KIRREL3: variants seen among roughly 807,000 people sequenced by gnomAD.
KIRREL3 encodes the protein kin of IRRE-like protein 3.
Under a neutral mutation model 89.7 loss-of-function variants are expected in KIRREL3, and 36 were observed. The observed-to-expected ratio is 0.40, with a 90% CI of 0.31 to 0.53. The LOEUF (loss-of-function observed/expected upper bound fraction) is 0.53. Among genes scored for constraint, KIRREL3 ranks in the 20% least tolerant of loss-of-function variants. The pLI is 0.49. For synonymous variants in KIRREL3, 445 were observed against 441.4 expected (o/e 1.01, Z -0.10); for missense variants, 864 against 1,056.6 (o/e 0.82, Z 2.53).
Position 126,441,032 on chromosome 11 carries a change from A to C in KIRREL3, c.1253-483T>G. The C allele has an allele frequency of 5.7e-6, 1 of 176,172 alleles. No homozygotes were observed. Among genetic ancestry groups the C allele is most frequent in the Non-Finnish European group, 1.2e-5 (1 of 81,222 alleles). The allele number at this position is 176,172 out of a possible 1,614,324, so 10.9% of individuals were successfully genotyped here. ...AGTAGAGGGCGCCCTTGCCTAACAA[A>C]TGGGAGCTGCTCGGCCAGACGGGCC... On this transcript the variant is annotated intron_variant, in intron 10 of 16. Transcript: ENST00000525144. The surrounding 1 kb of genome is among the most constrained non-coding windows in gnomAD (Gnocchi z 5.0).
rs1400517641 is a variant in KIRREL3, at chr11:126,473,298, C to T, written c.591+11G>A. 7.0e-7 allele frequency: 1 copy of T among 1,431,460 alleles called. No homozygotes were observed. Among genetic ancestry groups the T allele is most frequent in the African/African-American group, 1.6e-5 (1 of 60,830 alleles). 88.7% of individuals were successfully genotyped at this position (1,431,460 alleles called of 1,614,324 possible). A position where few individuals can be genotyped will look rare whatever the true frequency, so the allele number is the denominator to read the frequency against. On this transcript the variant is annotated intron_variant, in intron 5 of 16. Transcript: ENST00000525144. ...CCCGTCCACACCCACCCCCTCCCCT[C>T]CAGGCCTCACCTTGGAGTAGGTGGC...
chr11:126,484,012 G>A lies in KIRREL3; in HGVS notation c.434-10546C>T, dbSNP rs947359694. 6.6e-5 allele frequency among the ~76,000 whole-genome samples: 10 copies of A among 152,148 alleles called. No individual in the cohort carries two copies. Among genetic ancestry groups the A allele is most frequent in the Admixed American group, 3.3e-4 (5 of 15,262 alleles). The stretch of plus-strand genomic sequence containing the variant: ...TCAGCAGGTACATGTGGTGCCTGGC[G>A]CCATTACCACCTGTTGTTCCCCTGA... On this transcript the variant is annotated intron_variant, in intron 4 of 16. Coordinates refer to ENST00000525144, the MANE Select transcript of KIRREL3 (RefSeq NM_032531.4). This position sits in a 1 kb window ranked among gnomAD's most constrained non-coding sequence, Gnocchi z 5.2.
At chr11:126,453,644 G>A (rs1956252095) in intron 7 of KIRREL3, among the ~76,000 whole-genome samples, 2 of 152,088 alleles carry the variant, frequency 1.3e-5, no homozygotes, top group Admixed American at 1.3e-4. Flanking sequence ...GCGAGTGTGG[G>A]TGGGTGCAGG....
Position 126,740,253 on chromosome 11 carries a change from A to C in KIRREL3, c.56-177341T>G, listed in dbSNP as rs1592055526. ...ATAAAGGCTATAGTGGGGGAGTTCT[A>C]CGGTGATTAATGGAAGAAAATGCAG... is the stretch of plus-strand genomic sequence containing the variant. On this transcript the variant is annotated intron_variant, in intron 1 of 16. Coordinates refer to ENST00000525144, the MANE Select transcript of KIRREL3 (RefSeq NM_032531.4). The surrounding 1 kb of genome is among the most constrained non-coding windows in gnomAD (Gnocchi z 6.0). 6.6e-6 allele frequency among the ~76,000 whole-genome samples: 1 copy of C among 152,168 alleles called. No homozygotes were observed.
At chr11:126,819,877 G>A (rs111329786) in intron 1 of KIRREL3, among the ~76,000 whole-genome samples, 5,135 of 152,274 alleles carry the variant, frequency 0.034, 98 homozygotes, top group African/African-American at 0.052. Flanking sequence ...CTCTCCCGAC[G>A]CACCCCAAAC....
chr11:126,664,631 G>A lies in KIRREL3; in HGVS notation c.56-101719C>T, dbSNP rs920500192. Among the ~76,000 whole-genome samples, 5 of 152,180 alleles carry A rather than the reference G, an allele frequency of 3.3e-5. No individual in the cohort carries two copies. The highest frequency in any genetic ancestry group is 3.9e-4 in the East Asian group (2 of 5,192). Reference sequence around the variant, plus strand: ...GAGGATCACCATTGTTACCAGCTCCGATGTGCCCTTCCTGCATGCCAAAGC... The same window carrying A: ...GAGGATCACCATTGTTACCAGCTCCAATGTGCCCTTCCTGCATGCCAAAGC... On this transcript the variant is annotated intron_variant, in intron 1 of 16. Transcript: ENST00000525144. This position sits in a 1 kb window ranked among gnomAD's most constrained non-coding sequence, Gnocchi z 5.4.
rs777899478 is a variant in KIRREL3 at position 126,424,980 on chromosome 11, T to G, written c.1937A>C (p.His646Pro). 1 of 1,572,200 alleles carries G rather than the reference T, an allele frequency of 6.4e-7. No individual in the cohort carries two copies. ...GYYSVNTFKE[H>P]HSTPTISLSS... ...GAGGGAGATGGTCGGGGTTGAGTGG[T>G]GCTCTTTGAAGGTGTTGACGCTGTA... Residue 646 changes from histidine (H) to proline (P), a missense_variant, in exon 17 of 17, where the codon CAC becomes CCC. His to Pro is a moderately conservative substitution (Grantham distance 77). Transcript: ENST00000525144.
At position 126,682,829 on chromosome 11, in the gene KIRREL3, G is replaced by T. The variant is rs1002244668; in HGVS notation, c.56-119917C>A. On this transcript the variant is annotated intron_variant, in intron 1 of 16. Coordinates refer to ENST00000525144, the MANE Select transcript of KIRREL3 (RefSeq NM_032531.4). This position sits in a 1 kb window ranked among gnomAD's most constrained non-coding sequence, Gnocchi z 4.8. ...CCTGCCGCTCACCTCCTGCTGTGTA[G>T]TCTGGTTCCTAACAGGCTGAGGACC... Among the ~76,000 whole-genome samples, 1 of 152,176 alleles carries T rather than the reference G, an allele frequency of 6.6e-6. No individual in the cohort carries two copies. The highest frequency in any genetic ancestry group is 2.4e-5 in the African/African-American group (1 of 41,436).
At chr11:126,749,063 G>A (rs1053595508) in intron 1 of KIRREL3, among the ~76,000 whole-genome samples, 2 of 152,056 alleles carry the variant, frequency 1.3e-5, no homozygotes, top group African/African-American at 4.8e-5. Flanking sequence ...ACCTTCCCTG[G>A]AGAGTCTGGG....
At chr11:126,810,295 A>G (rs1951337801) in intron 1 of KIRREL3, among the ~76,000 whole-genome samples, 1 of 152,214 alleles carries the variant, frequency 6.6e-6, no homozygotes, top group Non-Finnish European at 1.5e-5. Flanking sequence ...TCCCAGGAAT[A>G]TGCAGCAACA....
chr11:126,510,421 T>TTTCCTTCATTCC (rs1223323683), intron 4 of KIRREL3, among the ~76,000 whole-genome samples: 10 of 126,328 alleles, frequency 7.9e-5, no homozygotes, highest in African/African-American at 3.1e-4. Flanking sequence ...CCTGACGTTG[T>TTTCCTTCATTCC]TTCCTTCCTT....
intron 4 of KIRREL3, among the ~76,000 whole-genome samples, chr11:126,518,239 G>T (rs370245098): frequency 6.6e-6 from 1 of 152,368 alleles, no homozygotes; most frequent in South Asian, 2.1e-4. Flanking sequence ...TGGCTGCCAG[G>T]CCGAGTCCCC....
chr11:126,808,979 A>G lies in KIRREL3; in HGVS notation c.55+191476T>C, dbSNP rs1342165022. Reference sequence around the variant, plus strand: ...AATCTCTTGTTCTTTTCTTTCCCCCAAAAAACAAATGCAACTATTCTGTTT... The same window carrying G: ...AATCTCTTGTTCTTTTCTTTCCCCCGAAAAACAAATGCAACTATTCTGTTT... On this transcript the variant is annotated intron_variant, in intron 1 of 16. Coordinates refer to ENST00000525144, the MANE Select transcript of KIRREL3 (RefSeq NM_032531.4). This position sits in a 1 kb window ranked among gnomAD's most constrained non-coding sequence, Gnocchi z 4.1. Among the ~76,000 whole-genome samples the G allele has an allele frequency of 1.3e-5, 2 of 152,120 alleles. No individual in the cohort carries two copies. The highest frequency in any genetic ancestry group is 4.8e-5 in the African/African-American group (2 of 41,418).
intron 5 of KIRREL3, among the ~76,000 whole-genome samples, chr11:126,468,516 C>T (rs1016599673): frequency 1.3e-5 from 2 of 152,234 alleles, no homozygotes; most frequent in Non-Finnish European, 2.9e-5. Flanking sequence ...CTCTCCTGCC[C>T]TTCCTCCTGG....
intron 1 of KIRREL3, among the ~76,000 whole-genome samples, chr11:126,839,864 T>C (rs1943905693): frequency 6.6e-6 from 1 of 152,210 alleles, no homozygotes; most frequent in South Asian, 2.1e-4. Context: ...AATAAACAAG[T>C]GTCTTTTTGA....
chr11:126,680,415 T>TACACAC (rs1555174489), intron 1 of KIRREL3, among the ~76,000 whole-genome samples: 60 of 151,598 alleles, frequency 4.0e-4, no homozygotes, highest in African/African-American at 1.4e-3. Flanking sequence ...TATATATATA[T>TACACAC]ACACATAGCC....
chr11:126,741,889 T>C (rs1211866279), intron 1 of KIRREL3, among the ~76,000 whole-genome samples: 1 of 152,222 alleles, frequency 6.6e-6, no homozygotes. Flanking sequence ...GCTCATCCAA[T>C]GCCATACGGC....
intron 1 of KIRREL3, among the ~76,000 whole-genome samples, chr11:126,730,155 A>G (rs2046599614): frequency 6.6e-6 from 1 of 152,132 alleles, no homozygotes; most frequent in Non-Finnish European, 1.5e-5. Context: ...CATCACTCCC[A>G]GAGACATTTA....
In KIRREL3 at chr11:126,734,932, C is replaced by T. The variant is rs955639719; in HGVS notation, c.56-172020G>A. ...GGTTGGAACGGTGCTGTCTTCTGGT[C>T]CAGCTGTGCCTGGCTCCGACCAAGG... On this transcript the variant is annotated intron_variant, in intron 1 of 16. Coordinates refer to ENST00000525144, the MANE Select transcript of KIRREL3 (RefSeq NM_032531.4). The surrounding 1 kb of genome is among the most constrained non-coding windows in gnomAD (Gnocchi z 5.9). Among the ~76,000 whole-genome samples, 4 of 152,144 alleles carry T rather than the reference C, an allele frequency of 2.6e-5. No individual in the cohort carries two copies. The highest frequency in any genetic ancestry group is 2.0e-4 in the Admixed American group (3 of 15,282).
Sources: allele counts gnomAD v4.1 joint callset (sites outside exome capture counted in the v4.1 genomes callset), GRCh38; gene constraint gnomAD v4.1.1; non-coding constraint Gnocchi (gnomAD v3.1); transcripts MANE v1.5; gene names NCBI Gene and HGNC (gene_info 2026-07-23, HGNC 2026-07-21).